Variants in TENM3 observed in about 807,000 individuals in gnomAD.
TENM3 encodes teneurin transmembrane protein 3.
Under a neutral mutation model 255.1 loss-of-function variants are expected in TENM3, and 63 were observed. The observed-to-expected ratio is 0.25, with a 90% CI of 0.20 to 0.30. TENM3 has a LOEUF of 0.30. Ranked by LOEUF, TENM3 falls within the 10% of genes least tolerant of loss-of-function variation. The pLI is 1.00. For missense variants in TENM3, 2,929 were observed against 3,461.1 expected (o/e 0.85, Z 3.86); for synonymous variants, 1,306 against 1,322.3 (o/e 0.99, Z 0.27).
chr4:181,948,618 A>T, the TENM3 span, among the ~76,000 whole-genome samples: 1 of 151,982 alleles, frequency 6.6e-6, no homozygotes, highest in African/African-American at 2.4e-5. Context: ...GGGTTTCACC[A>T]TGTTGGCCAG....
the TENM3 span, among the ~76,000 whole-genome samples, chr4:181,846,357 A>T: frequency 6.6e-6 from 1 of 152,306 alleles, no homozygotes; most frequent in Admixed American, 6.5e-5. Context: ...AAAAACTTCT[A>T]GAAACAGCTT....
chr4:182,319,621 A>G (rs916830576), intron 1 of TENM3, among the ~76,000 whole-genome samples: 1 of 152,206 alleles, frequency 6.6e-6, no homozygotes, highest in Non-Finnish European at 1.5e-5. Flanking sequence ...AAAGCTTAAG[A>G]ATACCTAAAA....
At chr4:182,399,016 G>A (rs182650173) in intron 3 of TENM3, among the ~76,000 whole-genome samples, 6 of 152,118 alleles carry the variant, frequency 3.9e-5, no homozygotes, top group African/African-American at 1.4e-4. Flanking sequence ...TCCCGAACTC[G>A]GTCTTGTGAT....
intron 1 of TENM3, among the ~76,000 whole-genome samples, chr4:182,321,727 C>T (rs1243828731): frequency 1.3e-5 from 2 of 151,922 alleles, no homozygotes; most frequent in Non-Finnish European, 2.9e-5. Context: ...GGGCGGATCA[C>T]GAGGTCAGGA....
At chr4:181,726,417 G>T in the TENM3 span, among the ~76,000 whole-genome samples, 117 of 152,240 alleles carry the variant, frequency 7.7e-4, no homozygotes, top group African/African-American at 2.7e-3. Context: ...CTATGTAGGT[G>T]TTATCATCCC....
chr4:181,616,670 A>C, the TENM3 span, among the ~76,000 whole-genome samples: 35 of 152,242 alleles, frequency 2.3e-4, no homozygotes, highest in Non-Finnish European at 2.2e-4. Flanking sequence ...GTCAAAGGCC[A>C]AAGGCCTGAG....
At chr4:182,418,750 A>T (rs1356597277) in intron 3 of TENM3, among the ~76,000 whole-genome samples, 1 of 152,038 alleles carries the variant, frequency 6.6e-6, no homozygotes, top group Non-Finnish European at 1.5e-5. Context: ...TTTTGTAGAG[A>T]CAGTGTTTCG....
intron 3 of TENM3, among the ~76,000 whole-genome samples, chr4:182,529,145 A>G (rs1328414594): frequency 6.6e-6 from 1 of 152,202 alleles, no homozygotes; most frequent in Non-Finnish European, 1.5e-5. Flanking sequence ...ATAGTTTTCA[A>G]TATTTTCATA....
intron 1 of TENM3, among the ~76,000 whole-genome samples, chr4:182,281,897 G>C (rs968671394): frequency 3.3e-5 from 5 of 152,120 alleles, no homozygotes; most frequent in African/African-American, 1.2e-4. Context: ...CACCATACCC[G>C]GCTAATTTTG....
At chr4:181,717,895 C>T in the TENM3 span, among the ~76,000 whole-genome samples, 1 of 152,098 alleles carries the variant, frequency 6.6e-6, no homozygotes. Context: ...TCTATACCTT[C>T]GCGGGATAAC....
intron 3 of TENM3, among the ~76,000 whole-genome samples, chr4:182,482,564 C>T (rs971620869): frequency 6.6e-6 from 1 of 152,128 alleles, no homozygotes; most frequent in Non-Finnish European, 1.5e-5. Context: ...GGTTAGAATA[C>T]AAGAAAAATT....
intron 1 of TENM3, among the ~76,000 whole-genome samples, chr4:182,234,100 A>C (rs1452054350): frequency 2.0e-5 from 3 of 152,168 alleles, no homozygotes; most frequent in Non-Finnish European, 4.4e-5. Context: ...GAAACCTCCA[A>C]GTTCACCGTG....
intron 3 of TENM3, among the ~76,000 whole-genome samples, chr4:182,452,983 A>G (rs1475136161): frequency 6.6e-6 from 1 of 151,114 alleles, no homozygotes; most frequent in East Asian, 2.0e-4. Flanking sequence ...TTTTCCCTAT[A>G]AAGAATAACA....
chr4:182,616,528 A>T (rs891768441), intron 4 of TENM3, among the ~76,000 whole-genome samples: 1 of 150,524 alleles, frequency 6.6e-6, no homozygotes, highest in African/African-American at 2.4e-5. Flanking sequence ...ATAATAAAAA[A>T]AAAAAAAAAA....
the TENM3 span, among the ~76,000 whole-genome samples, chr4:181,921,127 G>A: frequency 6.6e-6 from 1 of 152,016 alleles, no homozygotes; most frequent in African/African-American, 2.4e-5. Context: ...TGCTGTTTTG[G>A]TTACTGTAGG....
the TENM3 span, among the ~76,000 whole-genome samples, chr4:181,715,210 G>C: frequency 1.3e-5 from 2 of 152,148 alleles, no homozygotes; most frequent in African/African-American, 2.4e-5. Context: ...CTCAGCAGTA[G>C]AGAAGCTCTA....
chr4:181,648,525 G>A, the TENM3 span, among the ~76,000 whole-genome samples: 4 of 152,204 alleles, frequency 2.6e-5, no homozygotes, highest in Admixed American at 2.0e-4. Context: ...TCTCATGGCA[G>A]TTTCTCGAGT....
At chr4:181,783,439 T>G in the TENM3 span, among the ~76,000 whole-genome samples, 5 of 152,148 alleles carry the variant, frequency 3.3e-5, no homozygotes, top group Non-Finnish European at 1.5e-5. Flanking sequence ...GCTTTGTGTA[T>G]GTAAAATTCA....
At chr4:181,811,776 TCCA>T in the TENM3 span, among the ~76,000 whole-genome samples, 1 of 152,134 alleles carries the variant, frequency 6.6e-6, no homozygotes, top group African/African-American at 2.4e-5. Context: ...TTCAATTACC[TCCA>T]CCTGGCCCTG....
Sources: allele counts gnomAD v4.1 joint callset (sites outside exome capture counted in the v4.1 genomes callset), GRCh38; gene constraint gnomAD v4.1.1; transcripts MANE v1.5; gene names NCBI Gene and HGNC (gene_info 2026-07-23, HGNC 2026-07-21).